The following ARHGAP6 variants were observed in gnomAD, a reference collection of about 807,000 sequenced individuals.
The protein encoded by ARHGAP6 is rho GTPase-activating protein 6.
A neutral mutation model predicts 55.7 loss-of-function variants in ARHGAP6; 16 were observed. The observed-to-expected ratio is 0.29, with a 90% CI of 0.19 to 0.44. The LOEUF (loss-of-function observed/expected upper bound fraction) is 0.44, where lower values mean the gene tolerates loss of function less well. Among genes scored for constraint, ARHGAP6 ranks in the 20% least tolerant of loss-of-function variants. The pLI, the probability that ARHGAP6 is intolerant of heterozygous loss-of-function variation, is 1.00. For synonymous variants in ARHGAP6, 382 were observed against 360.9 expected (o/e 1.06, Z -0.66); for missense variants, 698 against 808.9 (o/e 0.86, Z 1.66).
intron 1 of ARHGAP6, among the ~76,000 whole-genome samples, chrX:11,625,693 C>T (rs770209148): frequency 8.9e-6 from 1 of 111,929 alleles, no homozygotes; most frequent in East Asian, 2.8e-4. Flanking sequence ...TTGAAATGTT[C>T]CCAACACAAA....
chrX:11,464,714 G>T (rs1466476207), intron 1 of ARHGAP6, among the ~76,000 whole-genome samples: 1 of 112,226 alleles, frequency 8.9e-6, no homozygotes, highest in East Asian at 2.8e-4. Flanking sequence ...TAGATAAAAT[G>T]CTTCTGTTTC....
At chrX:11,408,816 C>T (rs1292086667) in intron 1 of ARHGAP6, among the ~76,000 whole-genome samples, 4 of 109,995 alleles carry the variant, frequency 3.6e-5, no homozygotes, top group African/African-American at 1.3e-4. Context: ...AATAAAAGAC[C>T]TCCTATTCTG....
At chrX:11,386,803 G>A (rs1176301807) in intron 1 of ARHGAP6, among the ~76,000 whole-genome samples, 3 of 112,091 alleles carry the variant, frequency 2.7e-5, no homozygotes, top group African/African-American at 9.7e-5. Context: ...ATAAATAGCA[G>A]TAAGGAAAAA....
intron 1 of ARHGAP6, among the ~76,000 whole-genome samples, chrX:11,324,068 T>C (rs1462668169): frequency 1.8e-5 from 2 of 110,982 alleles, no homozygotes; most frequent in Non-Finnish European, 3.8e-5. Flanking sequence ...CAATTCTGAC[T>C]GAAAAATTAA....
At chrX:11,267,299 T>A (rs1160728724) in intron 1 of ARHGAP6, among the ~76,000 whole-genome samples, 3 of 112,388 alleles carry the variant, frequency 2.7e-5, no homozygotes, top group Non-Finnish European at 5.6e-5. Flanking sequence ...ACTGAGCACT[T>A]ACTAAGTGTC....
chrX:11,584,066 C>G (rs973074426), intron 1 of ARHGAP6, among the ~76,000 whole-genome samples: 3 of 111,877 alleles, frequency 2.7e-5, no homozygotes, highest in South Asian at 7.4e-4. Context: ...GACTTTCTGT[C>G]TACAAATCCA....
intron 1 of ARHGAP6, among the ~76,000 whole-genome samples, chrX:11,574,266 C>T (rs2147111207): frequency 9.0e-6 from 1 of 111,246 alleles, no homozygotes; most frequent in South Asian, 3.8e-4. Context: ...GGCAGAGACA[C>T]AACCAAAAAA....
chrX:11,231,753 G>A (rs756651673), intron 2 of ARHGAP6, among the ~76,000 whole-genome samples: 37 of 112,090 alleles, frequency 3.3e-4, no homozygotes, highest in Admixed American at 6.6e-4. Flanking sequence ...GAGCCAGGCC[G>A]CACATTGCAT....
chrX:11,312,945 C>A (rs920752167), intron 1 of ARHGAP6, among the ~76,000 whole-genome samples: 1 of 112,065 alleles, frequency 8.9e-6, no homozygotes, highest in South Asian at 3.7e-4. Context: ...GACAACCTAG[C>A]CATCTGCTCT....
intron 1 of ARHGAP6, among the ~76,000 whole-genome samples, chrX:11,583,992 G>C (rs1245049173): frequency 2.7e-5 from 3 of 111,779 alleles, no homozygotes; most frequent in African/African-American, 9.7e-5. Flanking sequence ...TATAAGAAAA[G>C]ATTTCTTTAA....
At chrX:11,354,515 C>G (rs1244498491) in intron 1 of ARHGAP6, among the ~76,000 whole-genome samples, 1 of 107,786 alleles carries the variant, frequency 9.3e-6, no homozygotes, top group Non-Finnish European at 1.9e-5. Context: ...GAAAGGTAAA[C>G]ACAATAATAC....
intron 1 of ARHGAP6, among the ~76,000 whole-genome samples, chrX:11,383,266 A>T (rs1037485975): frequency 8.9e-6 from 1 of 111,769 alleles, no homozygotes; most frequent in Non-Finnish European, 1.9e-5. Flanking sequence ...GGAAACTCTC[A>T]AGGGGATTTT....
chrX:11,616,801 G>C (rs751677039), intron 1 of ARHGAP6, among the ~76,000 whole-genome samples: 1 of 111,726 alleles, frequency 9.0e-6, no homozygotes, highest in Non-Finnish European at 1.9e-5. Flanking sequence ...CTGGAGGGTT[G>C]CTCCTGGAAT....
At chrX:11,442,780 A>G (rs1170924041) in intron 1 of ARHGAP6, among the ~76,000 whole-genome samples, 5 of 111,836 alleles carry the variant, frequency 4.5e-5, no homozygotes, top group Middle Eastern at 4.6e-3. Context: ...AGTCAAATGC[A>G]AAAATCTGAA....
chrX:11,565,923 G>A (rs1049705696), intron 1 of ARHGAP6, among the ~76,000 whole-genome samples: 1 of 111,442 alleles, frequency 9.0e-6, no homozygotes, highest in Non-Finnish European at 1.9e-5. Flanking sequence ...CAACATAAGG[G>A]ATGGCAATTG....
intron 1 of ARHGAP6, among the ~76,000 whole-genome samples, chrX:11,512,455 C>G (rs1426260803): frequency 1.8e-5 from 2 of 111,262 alleles, no homozygotes; most frequent in Non-Finnish European, 3.8e-5. Flanking sequence ...AACAGTTTCT[C>G]CATATATACA....
intron 1 of ARHGAP6, among the ~76,000 whole-genome samples, chrX:11,540,248 T>C (rs1451101512): frequency 1.0e-5 from 1 of 100,062 alleles, no homozygotes; most frequent in Non-Finnish European, 2.0e-5. Context: ...AGCAAGACTC[T>C]GTCAAAAAAG....
chrX:11,533,045 T>C (rs1221696804), intron 1 of ARHGAP6, among the ~76,000 whole-genome samples: 1 of 111,750 alleles, frequency 8.9e-6, no homozygotes, highest in Non-Finnish European at 1.9e-5. Context: ...AAAAAATTTC[T>C]TTTTTAAAAA....
intron 1 of ARHGAP6, among the ~76,000 whole-genome samples, chrX:11,313,167 A>G (rs898744739): frequency 2.7e-5 from 3 of 112,563 alleles, no homozygotes; most frequent in African/African-American, 9.7e-5. Context: ...ATAAGAGGCA[A>G]AGCCAGAATT....
Sources: allele counts gnomAD v4.1 joint callset (sites outside exome capture counted in the v4.1 genomes callset), GRCh38; gene constraint gnomAD v4.1.1; transcripts MANE v1.5; gene names NCBI Gene and HGNC (gene_info 2026-07-23, HGNC 2026-07-21).